ASIC3: variants seen among roughly 807,000 people sequenced by gnomAD.
The protein encoded by ASIC3 is acid sensing ion channel subunit 3, also known as acid-sensing ion channel 3.
A neutral mutation model predicts 58.6 loss-of-function variants in ASIC3; 46 were observed. That is an observed-to-expected ratio of 0.79 (90% CI 0.62 to 1.00). The LOEUF is 1.00. Among genes scored for constraint, ASIC3 ranks in the 50% least tolerant of loss-of-function variants. ASIC3 has a pLI of 0.00. For synonymous variants in ASIC3, 336 were observed against 300.2 expected (o/e 1.12, Z -1.23); for missense variants, 770 against 735.0 (o/e 1.05, Z -0.55).
At chr7:151,051,349 C>A in intron 6 of ASIC3, 30 bp downstream of exon 6, 6 of 1,448,542 alleles carry the variant, frequency 4.1e-6, no homozygotes, top group Non-Finnish European at 5.4e-6. Context: ...CGGGCTCCTC[C>A]GAGCCGGGGG....
chr7:151,049,766 G>A (rs1039762255), intron 1 of ASIC3, among the ~76,000 whole-genome samples: 1 of 150,542 alleles, frequency 6.6e-6, no homozygotes, highest in Non-Finnish European at 1.5e-5. Flanking sequence ...GCCAGGAGGT[G>A]GGGGGGGCTT....
Position 151,052,530 on chromosome 7 carries a change from T to C in ASIC3, c.1518-44T>C, listed in dbSNP as rs765378163. ...GAGGGCAGGGGCAGGCTCAGGACAG[T>C]GGGTGTGCCCGTTCCCACCCCAGCA... On this transcript the variant is annotated intron_variant, in intron 10 of 10. Coordinates refer to ENST00000349064, the MANE Select transcript of ASIC3 (RefSeq NM_004769.4). The surrounding 1 kb of genome is among the most constrained non-coding windows in gnomAD (Gnocchi z 5.0). 1.9e-6 allele frequency: 3 copies of C among 1,613,698 alleles called. No homozygotes were observed. The highest frequency in any genetic ancestry group is 2.5e-6 in the Non-Finnish European group (3 of 1,179,794).
Position 151,051,217 on chromosome 7 carries a change from C to G in ASIC3, c.1112C>G (p.Ala371Gly), listed in dbSNP as rs768140923. The G allele has an allele frequency of 7.0e-6, 11 of 1,580,638 alleles. No individual in the cohort carries two copies. Among genetic ancestry groups the G allele is most frequent in the East Asian group, 6.9e-5 (3 of 43,304 alleles). ...KDSCACPNPC[A>G]STRYAKELSM... ...TCGTGCGCCTGCCCCAACCCGTGCGCCAGCACGCGCTACGCCAAGGAGCTC... is the reference window on the plus strand; with the variant it reads ...TCGTGCGCCTGCCCCAACCCGTGCGGCAGCACGCGCTACGCCAAGGAGCTC... Residue 371 changes from alanine (A) to glycine (G), a missense_variant, in exon 6 of 11, where the codon GCC (alanine) becomes GGC (glycine). Physicochemically the swap from Ala to Gly is moderately conservative, Grantham distance 60 (BLOSUM62 0). Transcript: ENST00000349064.
intron 2 of ASIC3, 33 bp downstream of exon 2, chr7:151,050,289 C>T (rs369545663): frequency 1.6e-5 from 26 of 1,598,362 alleles, no homozygotes; most frequent in Non-Finnish European, 2.2e-5. Flanking sequence ...TGGGGGAGGG[C>T]ACGGATGGAG....
rs114314698 is a variant in ASIC3 at position 151,048,917 on chromosome 7, G to A, written c.32G>A (p.Arg11Gln). The stretch of plus-strand genomic sequence containing the variant: ...CCCACCTCAGGCCCAGAGGAGGCCC[G>A]GCGGCCAGCCTCGGACATCCGCGTG... MKPTSGPEEA[R>Q]RPASDIRVFA... is the part of the protein sequence containing the mutation. Residue 11 changes from arginine to glutamine, a missense_variant, in exon 1 of 11, where the codon CGG becomes CAG. Coordinates refer to ENST00000349064, the MANE Select transcript of ASIC3 (RefSeq NM_004769.4). The A allele has an allele frequency of 2.4e-5, 37 of 1,560,842 alleles. No individual in the cohort carries two copies. Among genetic ancestry groups the A allele is most frequent in the East Asian group, 2.3e-4 (10 of 44,300 alleles).
Position 151,050,951 on chromosome 7 carries a change from C to T in ASIC3, c.1007C>T (p.Pro336Leu). ...TGCGGCTGCCGAATGGTGTACATGC[C>T]AGGTGAGGGGCTGGGGTTTTCGTCC... Reference protein sequence around the residue: ...RKCGCRMVYMPGDVPVCSPQQ... With the variant: ...RKCGCRMVYMLGDVPVCSPQQ... The change falls in exon 4 of 11, where the codon CCA (proline) becomes CTA (leucine). Residue 336 changes from proline (P) to leucine (L), a missense_variant and splice_region_variant. Pro to Leu is a moderately conservative substitution (Grantham distance 98). Transcript: ENST00000349064. 6.2e-7 allele frequency: 1 copy of T among 1,613,476 alleles called. No individual in the cohort carries two copies. Among genetic ancestry groups the T allele is most frequent in the Non-Finnish European group, 8.5e-7 (1 of 1,180,028 alleles).
At position 151,048,576 on chromosome 7, in the gene ASIC3, G is replaced by A. The variant is rs561020971; in HGVS notation, c.-310G>A. 1.8e-5 allele frequency: 7 copies of A among 378,882 alleles called. No homozygotes were observed. The highest frequency in any genetic ancestry group is 1.2e-4 in the East Asian group (3 of 25,222). 23.5% of individuals were successfully genotyped at this position (378,882 alleles called of 1,614,324 possible). On this transcript the variant is annotated 5_prime_UTR_variant, in exon 1 of 11. Coordinates refer to ENST00000349064, the MANE Select transcript of ASIC3 (RefSeq NM_004769.4). The stretch of plus-strand genomic sequence containing the variant: ...AGCACCGCCGGCTCAGCACCGCTCC[G>A]CAGCCCCTGCCTGCCACGGTCAGCT...
At chr7:151,050,735 T>C in intron 3 of ASIC3, 23 bp from the exon 4 acceptor site, 1 of 1,610,678 alleles carries the variant, frequency 6.2e-7, no homozygotes, top group Non-Finnish European at 8.5e-7. Context: ...CCGGGAAGCC[T>C]CCTTAACCCT....
At chr7:151,050,056 C>G (rs774456289) in intron 1 of ASIC3, 50 bp from the exon 2 acceptor site, 2 of 1,612,338 alleles carry the variant, frequency 1.2e-6, no homozygotes, top group Admixed American at 3.3e-5. Context: ...GGTCCCATGA[C>G]CATGTGCCTG....
chr7:151,051,569 CGGCGGGG>C (rs1261241778), intron 6 of ASIC3, among the ~76,000 whole-genome samples: 3 of 63,530 alleles, frequency 4.7e-5, no homozygotes, highest in Non-Finnish European at 8.9e-5. Flanking sequence ...AAAACAGAGA[CGGCGGGG>C]GGCGGGGGAG....
Position 151,052,539 on chromosome 7 carries a change from C to T in ASIC3, c.1518-35C>T, listed in dbSNP as rs1796808962. 1 of 1,613,488 alleles carries T rather than the reference C, an allele frequency of 6.2e-7. No individual in the cohort carries two copies. Among genetic ancestry groups the T allele is most frequent in the Non-Finnish European group, 8.5e-7 (1 of 1,179,746 alleles). ...GGCAGGCTCAGGACAGTGGGTGTGC[C>T]CGTTCCCACCCCAGCACTCTGCTCT... On this transcript the variant is annotated intron_variant, in intron 10 of 10. Transcript: ENST00000349064. This position sits in a 1 kb window ranked among gnomAD's most constrained non-coding sequence, Gnocchi z 5.0.
chr7:151,052,635 C>G lies in ASIC3; in HGVS notation c.1579C>G (p.Leu527Val). 1 of 1,614,172 alleles carries G rather than the reference C, an allele frequency of 6.2e-7. No homozygotes were observed. The highest frequency in any genetic ancestry group is 8.5e-7 in the Non-Finnish European group (1 of 1,180,026). The stretch of plus-strand genomic sequence containing the variant: ...CTCCGCCTCCCACCGCACCTGCTAC[C>G]TTGTCACACAGCTCTAGACCTGCTG... ...TLSASHRTCY[L>V]VTQL Residue 527 changes from leucine (L) to valine (V), a missense_variant, in exon 11 of 11, where the codon CTT becomes GTT. Transcript: ENST00000349064. This position sits in a 1 kb window ranked among gnomAD's most constrained non-coding sequence, Gnocchi z 5.0.
At chr7:151,050,679 C>G in intron 3 of ASIC3, 71 bp downstream of exon 3, 2 of 1,608,208 alleles carry the variant, frequency 1.2e-6, no homozygotes, top group South Asian at 1.1e-5. Context: ...CCCTCAGCTC[C>G]TCAGACCTGT....
Position 151,050,231 on chromosome 7 carries a change from A to G in ASIC3, c.660A>G (p.Glu220=), listed in dbSNP as rs1459869645. 2 of 1,613,916 alleles carry G rather than the reference A, an allele frequency of 1.2e-6. No individual in the cohort carries two copies. Among genetic ancestry groups the G allele is most frequent in the Non-Finnish European group, 1.7e-6 (2 of 1,179,860 alleles). ...LDIMLDVQQE[E]YLPVWRDNEE... ...TCATGCTGGACGTGCAGCAGGAGGAATATCTACCTGTGTGGAGGGACAATG... is the reference window on the plus strand; with the variant it reads ...TCATGCTGGACGTGCAGCAGGAGGAGTATCTACCTGTGTGGAGGGACAATG... Residue 220 remains glutamate, a synonymous_variant, in exon 2 of 11, where the codon GAA becomes GAG. Transcript: ENST00000349064.
chr7:151,051,017 G>C, intron 4 of ASIC3, 22 bp from the exon 5 acceptor site: 2 of 1,613,306 alleles, frequency 1.2e-6, no homozygotes, highest in Non-Finnish European at 1.7e-6. Context: ...TGCTTCTAAA[G>C]CCATCTCCCC....
rs755617018 is a variant in ASIC3, at chr7:151,052,110, C to T, written c.1386+48C>T. On this transcript the variant is annotated intron_variant, in intron 8 of 10. Transcript: ENST00000349064. This position sits in a 1 kb window ranked among gnomAD's most constrained non-coding sequence, Gnocchi z 5.0. ...GGGGGTGGGAGGTGGGAATCAGGGC[C>T]CCTAGGATGAGGGGGAAGGTGTGCA... 3 of 1,613,620 alleles carry T rather than the reference C, an allele frequency of 1.9e-6. No individual in the cohort carries two copies. In the East Asian group the frequency reaches 6.7e-5, roughly 36 times the overall value.
At chr7:151,051,345 C>T (rs1796774775) in intron 6 of ASIC3, 26 bp downstream of exon 6, 2 of 1,454,594 alleles carry the variant, frequency 1.4e-6, no homozygotes, top group African/African-American at 3.0e-5. Flanking sequence ...CGGGCGGGCT[C>T]CTCCGAGCCG....
Position 151,048,745 on chromosome 7 carries a change from C to T in ASIC3, c.-141C>T. The stretch of plus-strand genomic sequence containing the variant: ...GCCAGGCTAGTGCCTCCCTGCCTTC[C>T]AACCTTGGCTGTCTCCCACCCTCTC... On this transcript the variant is annotated 5_prime_UTR_variant, in exon 1 of 11. Transcript: ENST00000349064. 1 of 1,080,060 alleles carries T rather than the reference C, an allele frequency of 9.3e-7. No homozygotes were observed. The highest frequency in any genetic ancestry group is 1.6e-5 in the African/African-American group (1 of 63,440). 66.9% of individuals were successfully genotyped at this position (1,080,060 alleles called of 1,614,324 possible).
chr7:151,050,348 C>T (rs1796738446), intron 2 of ASIC3, 92 bp downstream of exon 2: 2 of 1,563,312 alleles, frequency 1.3e-6, no homozygotes, highest in Non-Finnish European at 8.7e-7. Context: ...TCAGGGTGTT[C>T]CCCCAGAACC....
Sources: allele counts gnomAD v4.1 joint callset (sites outside exome capture counted in the v4.1 genomes callset), GRCh38; gene constraint gnomAD v4.1.1; non-coding constraint Gnocchi (gnomAD v3.1); transcripts MANE v1.5; gene names NCBI Gene and HGNC (gene_info 2026-07-23, HGNC 2026-07-21).